LRRC18: variants seen among roughly 807,000 people sequenced by gnomAD.
LRRC18 encodes the protein leucine-rich repeat-containing protein 18.
Under a neutral mutation model 11.2 loss-of-function variants are expected in LRRC18, and 12 were observed. The observed-to-expected ratio is 1.07, with a 90% CI of 0.69 to 1.74. LRRC18 has a LOEUF of 1.74. Ranked by LOEUF, LRRC18 falls within the 40% of genes most tolerant of loss-of-function variation. The pLI, the probability that LRRC18 is intolerant of heterozygous loss-of-function variation, is 0.00. For synonymous variants in LRRC18, 155 were observed against 130.6 expected, an observed-to-expected ratio of 1.19 and a Z score of -1.27; for missense variants, 374 against 330.5, an observed-to-expected ratio of 1.13 and a Z score of -1.02.
At chr10:48,913,972 T>G (rs1838258657) in exon 1 of LRRC18, 2 of 1,614,186 alleles carry the variant, frequency 1.2e-6, no homozygotes, top group East Asian at 4.5e-5. Flanking sequence ...ATCTTCCTGA[T>G]AAGATTCCGG....
the LRRC18 span, among the ~76,000 whole-genome samples, chr10:48,924,261 G>A: frequency 6.6e-6 from 1 of 152,188 alleles, no homozygotes; most frequent in African/African-American, 2.4e-5. Context: ...AGTTATAGAA[G>A]GCAGAGTGTG....
At chr10:48,926,683 T>C in the LRRC18 span, among the ~76,000 whole-genome samples, 1 of 152,264 alleles carries the variant, frequency 6.6e-6, no homozygotes, top group Non-Finnish European at 1.5e-5. Flanking sequence ...TATGTGGGTA[T>C]ATTTCTAAAT....
At chr10:48,923,506 A>ATATATATATATATGTGTG in the LRRC18 span, among the ~76,000 whole-genome samples, 3 of 115,116 alleles carry the variant, frequency 2.6e-5, no homozygotes, top group African/African-American at 5.5e-5. Flanking sequence ...GTATATATAT[A>ATATATATATATATGTGTG]TATATATGTC....
chr10:48,926,121 T>A, the LRRC18 span, among the ~76,000 whole-genome samples: 2 of 152,186 alleles, frequency 1.3e-5, no homozygotes, highest in African/African-American at 4.8e-5. Context: ...GGCAAATGCC[T>A]CATCCTGGGG....
chr10:48,928,528 C>T, the LRRC18 span, among the ~76,000 whole-genome samples: 3 of 152,098 alleles, frequency 2.0e-5, no homozygotes, highest in African/African-American at 7.2e-5. Context: ...CCTTATGGAC[C>T]GTGACCCCTG....
At chr10:48,938,875 G>A in the LRRC18 span, among the ~76,000 whole-genome samples, 1 of 152,200 alleles carries the variant, frequency 6.6e-6, no homozygotes, top group East Asian at 1.9e-4. Context: ...TGTCCTGGGT[G>A]GGAAGGGAGT....
upstream of LRRC18, among the ~76,000 whole-genome samples, chr10:48,918,419 T>C (rs1838746390): frequency 6.6e-6 from 1 of 152,196 alleles, no homozygotes; most frequent in Non-Finnish European, 1.5e-5. Context: ...AGGAAGGATG[T>C]AGTGACTTTA....
rs1243372597 is a variant in LRRC18 at position 48,910,149 on chromosome 10, C to T, written c.*88G>A. On this transcript the variant is annotated 3_prime_UTR_variant, in exon 2 of 2. Transcript: ENST00000374160. ...GGTTTCCAGAACATCTCACTTGCCA[C>T]TCTGTCTTCTCCTAACTGGGGGCTT... is the stretch of plus-strand genomic sequence containing the variant. The T allele has an allele frequency of 4.0e-6, 5 of 1,259,212 alleles. No individual in the cohort carries two copies. The Admixed American group carries it at 6.8e-5, about 17-fold the overall frequency. 78.0% of individuals were successfully genotyped at this position (1,259,212 alleles called of 1,614,324 possible). A position where few individuals can be genotyped will look rare whatever the true frequency, so the allele number is the denominator to read the frequency against.
the LRRC18 span, among the ~76,000 whole-genome samples, chr10:48,932,025 A>G: frequency 6.6e-6 from 1 of 152,210 alleles, no homozygotes; most frequent in African/African-American, 2.4e-5. Flanking sequence ...GCTGTGAGGC[A>G]AATAGAAGTG....
At chr10:48,926,441 A>G in the LRRC18 span, among the ~76,000 whole-genome samples, 2 of 152,154 alleles carry the variant, frequency 1.3e-5, no homozygotes, top group East Asian at 3.9e-4. Context: ...GATGGTGTGC[A>G]CTCTGGCTGA....
At chr10:48,937,238 G>C in the LRRC18 span, among the ~76,000 whole-genome samples, 1 of 152,194 alleles carries the variant, frequency 6.6e-6, no homozygotes, top group Non-Finnish European at 1.5e-5. Context: ...TTATGGCATA[G>C]TTGTACCATA....
chr10:48,931,022 C>G, the LRRC18 span, among the ~76,000 whole-genome samples: 1 of 151,970 alleles, frequency 6.6e-6, no homozygotes, highest in Admixed American at 6.6e-5. Context: ...TTTAAATTCC[C>G]TGCAACAGAT....
upstream of LRRC18, among the ~76,000 whole-genome samples, chr10:48,918,190 A>G (rs2133556085): frequency 1.3e-5 from 2 of 152,370 alleles, no homozygotes; most frequent in East Asian, 3.9e-4. Flanking sequence ...AGGAGCAAAC[A>G]GACAACAACT....
the LRRC18 span, among the ~76,000 whole-genome samples, chr10:48,929,402 GACTCCAT>G: frequency 2.6e-5 from 4 of 152,162 alleles, no homozygotes; most frequent in Non-Finnish European, 5.9e-5. Context: ...TTGTGTCCTG[GACTCCAT>G]ACTCCAGGCC....
intron 1 of LRRC18, 31 bp downstream of exon 3, chr10:48,913,361 C>T: frequency 6.3e-6 from 10 of 1,593,290 alleles, no homozygotes; most frequent in Non-Finnish European, 8.5e-6. Context: ...TCTCTCTTTC[C>T]CTTCTGCCTC....
At chr10:48,935,736 CAT>C in the LRRC18 span, among the ~76,000 whole-genome samples, 1 of 152,178 alleles carries the variant, frequency 6.6e-6, no homozygotes, top group Non-Finnish European at 1.5e-5. Context: ...GCCCTGTAAT[CAT>C]ATTCTCTTAC....
chr10:48,937,879 T>G, the LRRC18 span, among the ~76,000 whole-genome samples: 2 of 151,070 alleles, frequency 1.3e-5, no homozygotes, highest in African/African-American at 4.9e-5. Context: ...AGAGAGGGAG[T>G]GTGTTTGGCT....
At chr10:48,913,961 G>A in exon 1 of LRRC18, 1 of 1,614,166 alleles carries the variant, frequency 6.2e-7, no homozygotes. Flanking sequence ...TGGAGTCAGG[G>A]ATCTTCCTGA....
chr10:48,931,136 C>A, the LRRC18 span, among the ~76,000 whole-genome samples: 1 of 151,634 alleles, frequency 6.6e-6, no homozygotes, highest in Admixed American at 6.6e-5. Context: ...CACACGATTC[C>A]GCTTCTTTTC....
Sources: gnomAD v4.1 joint callset for allele counts (sites outside exome capture counted in the v4.1 genomes callset) on GRCh38, gnomAD v4.1.1 for gene constraint, MANE v1.5 for transcripts, NCBI Gene and HGNC (gene_info 2026-07-23, HGNC 2026-07-21) for gene names.